Variants in MID2 observed in about 807,000 individuals in gnomAD.
MID2 encodes the protein probable E3 ubiquitin-protein ligase MID2.
A neutral mutation model predicts 46.1 loss-of-function variants in MID2; 13 were observed. The observed-to-expected ratio is 0.28, with a 90% confidence interval of 0.18 to 0.45. MID2 has a LOEUF of 0.45. MID2 is among the 20% of genes least tolerant of loss of function. The pLI, the probability that MID2 is intolerant of heterozygous loss-of-function variation, is 1.00. For missense variants in MID2, 431 were observed against 575.4 expected, an observed-to-expected ratio of 0.75 and a Z score of 2.57; for synonymous variants, 199 against 212.3, an observed-to-expected ratio of 0.94 and a Z score of 0.55.
At chrX:107,832,762 C>G (rs368372727) in intron 1 of MID2, among the ~76,000 whole-genome samples, 2 of 112,041 alleles carry the variant, frequency 1.8e-5, no homozygotes, top group East Asian at 5.6e-4. Context: ...TTACTGACCA[C>G]CTAGCCTCTT....
chrX:107,927,167 A>G lies in MID2; in HGVS notation c.*94A>G. On this transcript the variant is annotated 3_prime_UTR_variant, in exon 10 of 10. Coordinates refer to ENST00000262843, the MANE Select transcript of MID2 (RefSeq NM_012216.4). ...GCGTTCAATATACGAGACACAAAAT[A>G]AAGTTTGTTTGAAGCATCCAAAATA... 1.2e-6 allele frequency: 1 copy of G among 837,411 alleles called. No individual in the cohort carries two copies. The highest frequency in any genetic ancestry group is 1.6e-6 in the Non-Finnish European group (1 of 614,833). The allele number at this position is 837,411 out of a possible 1,213,427, so 69.0% of individuals were successfully genotyped here. A position where few individuals can be genotyped will look rare whatever the true frequency, so the allele number is the denominator to read the frequency against.
In MID2 at chrX:107,841,141, TCTC is replaced by T; in HGVS notation, c.479_481del (p.Ser160del). On this transcript the variant is annotated inframe_deletion, in exon 2 of 10. Coordinates refer to ENST00000262843, the MANE Select transcript of MID2 (RefSeq NM_012216.4). ...GTAAAAACATGCATCACCTGTGAGG[TCTC>T]CTACTGTGACCGTTGCCTGCGGGCC... 1 of 1,211,108 alleles carries T rather than the reference TCTC, an allele frequency of 8.3e-7. No homozygotes were observed. The highest frequency in any genetic ancestry group is 1.1e-6 in the Non-Finnish European group (1 of 895,260).
In MID2 at chrX:107,927,611, T is replaced by G. The variant is rs972528806; in HGVS notation, c.*538T>G. Among the ~76,000 whole-genome samples the G allele has an allele frequency of 8.9e-6, 1 of 112,119 alleles. No individual in the cohort carries two copies. The highest frequency in any genetic ancestry group is 1.9e-5 in the Non-Finnish European group (1 of 53,216). Reference sequence around the variant, plus strand: ...GTAATATATAAAGTGAACATATATGTACTTTATATATATTCACTTGTGTAT... The same window carrying G: ...GTAATATATAAAGTGAACATATATGGACTTTATATATATTCACTTGTGTAT... On this transcript the variant is annotated 3_prime_UTR_variant, in exon 10 of 10. Coordinates refer to ENST00000262843, the MANE Select transcript of MID2 (RefSeq NM_012216.4).
intron 3 of MID2, among the ~76,000 whole-genome samples, chrX:107,883,888 A>C (rs1389095107): frequency 8.9e-6 from 1 of 112,516 alleles, no homozygotes; most frequent in East Asian, 2.8e-4. Context: ...ATCTGAACTC[A>C]GTAAGAGATC....
intron 3 of MID2, among the ~76,000 whole-genome samples, chrX:107,886,903 C>G (rs1038385874): frequency 1.7e-4 from 19 of 111,782 alleles, no homozygotes; most frequent in African/African-American, 5.5e-4. Flanking sequence ...TGGGAGTTCA[C>G]TCATGATTTG....
At position 107,841,037 on chromosome X, in the gene MID2, G is replaced by C; in HGVS notation, c.372G>C (p.Arg124Ser). 1 of 1,211,566 alleles carries C rather than the reference G, an allele frequency of 8.3e-7. No homozygotes were observed. The highest frequency in any genetic ancestry group is 1.8e-5 in the South Asian group (1 of 56,963). ...CCCCTAGTGAGAGCCGCCGGGAAAG[G>C]ACTTACAGGCCCACCACTGCCATGT... ...PNSPSESRRE[R>S]TYRPTTAMSS... Residue 124 changes from arginine (R) to serine (S), a missense_variant, in exon 2 of 10, where the codon AGG (arginine) becomes AGC (serine). Physicochemically the swap from Arg to Ser is moderately radical, Grantham distance 110. Transcript: ENST00000262843.
intron 8 of MID2, among the ~76,000 whole-genome samples, chrX:107,925,376 T>G: frequency 8.9e-6 from 1 of 112,079 alleles, no homozygotes; most frequent in East Asian, 2.8e-4. Flanking sequence ...AAAAATCTCT[T>G]GCCACACCCA....
At chrX:107,893,309 G>A (rs189476748) in intron 3 of MID2, among the ~76,000 whole-genome samples, 2 of 112,526 alleles carry the variant, frequency 1.8e-5, no homozygotes, top group East Asian at 5.5e-4. Flanking sequence ...TTTACTGCTA[G>A]ACTATGAAAC....
chrX:107,845,019 A>G (rs745582582), intron 2 of MID2, among the ~76,000 whole-genome samples: 2 of 111,952 alleles, frequency 1.8e-5, no homozygotes, highest in East Asian at 5.6e-4. Flanking sequence ...CAGTGCCTAT[A>G]GCTTGCTTTG....
At chrX:107,827,606 T>G (rs748041089) in intron 1 of MID2, among the ~76,000 whole-genome samples, 1 of 111,202 alleles carries the variant, frequency 9.0e-6, no homozygotes, top group Non-Finnish European at 1.9e-5. Context: ...CCCATTCTGC[T>G]CCGTCCCAGT....
intron 3 of MID2, among the ~76,000 whole-genome samples, chrX:107,875,358 A>G (rs780366069): frequency 1.6e-4 from 18 of 111,074 alleles, no homozygotes; most frequent in Admixed American, 2.9e-4. Flanking sequence ...GGGTTTTTGT[A>G]CTCCCAATAT....
intron 1 of MID2, 78 bp from the exon 2 acceptor site, chrX:107,840,592 C>T (rs1931317832): frequency 1.2e-6 from 1 of 802,103 alleles, no homozygotes. Flanking sequence ...TAAACGCGCC[C>T]ATTGGTTAGT....
At chrX:107,926,535 T>G in intron 9 of MID2, 136 bp from the exon 10 acceptor site, 1 of 656,731 alleles carries the variant, frequency 1.5e-6, no homozygotes, top group Non-Finnish European at 2.3e-6. Context: ...TCTAGTGATA[T>G]CAGCATTATG....
chrX:107,859,711 G>GA (rs919431927), intron 3 of MID2, among the ~76,000 whole-genome samples: 28 of 111,720 alleles, frequency 2.5e-4, no homozygotes, highest in African/African-American at 8.1e-4. Flanking sequence ...CTGCAGAATG[G>GA]AAAAAAAATG....
At position 107,862,235 on chromosome X, in the gene MID2, A is replaced by G. The variant is rs751628714; in HGVS notation, c.816+7531A>G. Reference sequence around the variant, plus strand: ...AACAGTTGCTAGTAGCAGTAGTACTAGTAGTAGTAATTTTGGGCACTACAC... The same window carrying G: ...AACAGTTGCTAGTAGCAGTAGTACTGGTAGTAGTAATTTTGGGCACTACAC... On this transcript the variant is annotated intron_variant, in intron 3 of 9. Transcript: ENST00000262843. Among the ~76,000 whole-genome samples the G allele has an allele frequency of 7.2e-5, 8 of 111,687 alleles. No homozygotes were observed. In the South Asian group the frequency reaches 3.0e-3, roughly 43 times the overall value.
At chrX:107,827,144 T>C (rs948774126) in intron 1 of MID2, among the ~76,000 whole-genome samples, 4 of 112,433 alleles carry the variant, frequency 3.6e-5, no homozygotes, top group African/African-American at 1.3e-4. Flanking sequence ...ACAGAAACAT[T>C]ACTGGTGATG....
chrX:107,845,525 A>ACACACACACTCTCTCTCTCT (rs1276957001), intron 2 of MID2, among the ~76,000 whole-genome samples: 11 of 72,944 alleles, frequency 1.5e-4, no homozygotes, highest in African/African-American at 6.8e-4. Context: ...ACACACACAC[A>ACACACACACTCTCTCTCTCT]CTCTCTCTCT....
chrX:107,926,007 C>A, intron 8 of MID2, 87 bp from the exon 9 acceptor site: 1 of 670,138 alleles, frequency 1.5e-6, no homozygotes, highest in South Asian at 2.7e-5. Flanking sequence ...CGAGCATACC[C>A]TGCCAGTGAT....
chrX:107,869,518 A>T (rs1932023239), intron 3 of MID2, among the ~76,000 whole-genome samples: 1 of 111,839 alleles, frequency 8.9e-6, no homozygotes, highest in South Asian at 3.7e-4. Flanking sequence ...TGTGATTATC[A>T]CTATATTACA....
Sources: gnomAD v4.1 joint callset for allele counts (sites outside exome capture counted in the v4.1 genomes callset) on GRCh38, gnomAD v4.1.1 for gene constraint, MANE v1.5 for transcripts, NCBI Gene and HGNC (gene_info 2026-07-23, HGNC 2026-07-21) for gene names.